Variants in BLM observed in about 807,000 individuals in gnomAD.
BLM encodes recQ-like DNA helicase BLM.
BLM carries 95 observed loss-of-function variants against 135.3 expected under a neutral mutation model. The ratio of observed to expected loss-of-function variants is 0.70; its 90% CI spans 0.59 to 0.83. The LOEUF (loss-of-function observed/expected upper bound fraction) is 0.83. BLM is among the 40% of genes least tolerant of loss of function. The probability of loss-of-function intolerance (pLI) is 0.00; values close to 1 mark genes in which losing one functional copy is unlikely to be tolerated. For synonymous variants in BLM, 520 were observed against 589.2 expected (o/e 0.88, Z 1.70); for missense variants, 1,518 against 1,663.9 (o/e 0.91, Z 1.53).
chr15:90,794,085 A>G lies in BLM; in HGVS notation c.3020-82A>G, dbSNP rs571002857. ...TTTCTTATTTAATATTTAAAGTTAT[A>G]TGAATCTATTCTAAATATTTCTATG... is the stretch of plus-strand genomic sequence containing the variant. On this transcript the variant is annotated intron_variant, in intron 15 of 21. Transcript: ENST00000355112. The G allele has an allele frequency of 4.1e-4, 408 of 1,004,058 alleles. 11 individuals are homozygous for G. The South Asian group carries it at 6.2e-3, about 15-fold the overall frequency. 62.2% of individuals were successfully genotyped at this position (1,004,058 alleles called of 1,614,324 possible).
chr15:90,745,666 C>A (rs905929333), intron 1 of BLM, among the ~76,000 whole-genome samples: 1 of 152,166 alleles, frequency 6.6e-6, no homozygotes, highest in South Asian at 2.1e-4. Flanking sequence ...TCACCTCAGC[C>A]TCCTAAAGTG....
At position 90,760,224 on chromosome 15, in the gene BLM, G is replaced by C. The variant is rs746170218; in HGVS notation, c.1165G>C (p.Asp389His). 2 of 1,613,966 alleles carry C rather than the reference G, an allele frequency of 1.2e-6. No homozygotes were observed. ...TAAATTAATTGATACTATTCCTGAT[G>C]ATAAACTGAAACTTTTGGATTGTGG... ...ICKLIDTIPD[D>H]KLKLLDCGNE... Residue 389 changes from aspartate (D) to histidine (H), a missense_variant, in exon 6 of 22, where the codon GAT becomes CAT. Asp to His is a moderately conservative substitution (Grantham distance 81). Coordinates refer to ENST00000355112, the MANE Select transcript of BLM (RefSeq NM_000057.4).
chr15:90,729,399 T>C (rs1187776387), intron 1 of BLM, among the ~76,000 whole-genome samples: 3 of 152,204 alleles, frequency 2.0e-5, no homozygotes, highest in African/African-American at 7.2e-5. Flanking sequence ...ATGGGTTTCA[T>C]TGGGCTAAAG....
intron 1 of BLM, among the ~76,000 whole-genome samples, chr15:90,729,825 T>C (rs1895017724): frequency 6.6e-6 from 1 of 152,122 alleles, no homozygotes; most frequent in African/African-American, 2.4e-5. Context: ...CCTCCTGCAT[T>C]CACTTAAGAT....
intron 2 of BLM, 70 bp from the exon 3 acceptor site, chr15:90,749,297 A>G: frequency 8.7e-7 from 1 of 1,150,488 alleles, no homozygotes; most frequent in Non-Finnish European, 1.3e-6. Context: ...AGTTTAAAAA[A>G]TTAGTTTTGT....
intron 12 of BLM, among the ~76,000 whole-genome samples, chr15:90,771,177 A>T (rs1189291114): frequency 6.6e-6 from 1 of 152,182 alleles, no homozygotes; most frequent in East Asian, 1.9e-4. Flanking sequence ...GATATGCATT[A>T]TAATGCTATA....
chr15:90,780,676 T>A (rs1896595850), intron 12 of BLM, among the ~76,000 whole-genome samples: 1 of 152,214 alleles, frequency 6.6e-6, no homozygotes, highest in Admixed American at 6.5e-5. Context: ...AAAGCAAGAT[T>A]TGAATTTGCT....
Position 90,760,250 on chromosome 15 carries a change from G to C in BLM, c.1191G>C (p.Gly397=), listed in dbSNP as rs780393464. ...PDDKLKLLDC[G]NELLQQRNIR... The stretch of plus-strand genomic sequence containing the variant: ...ATAAACTGAAACTTTTGGATTGTGG[G>C]AACGAACTGCTTCAGCAGCGGAACA... The change falls in exon 6 of 22, where the codon GGG becomes GGC. Residue 397 remains glycine, a synonymous_variant. Transcript: ENST00000355112. The C allele has an allele frequency of 3.1e-6, 5 of 1,613,946 alleles. No individual in the cohort carries two copies. In the East Asian group the frequency reaches 1.1e-4, roughly 36 times the overall value.
intron 14 of BLM, among the ~76,000 whole-genome samples, chr15:90,787,342 C>T (rs1258700064): frequency 3.9e-5 from 6 of 151,922 alleles, no homozygotes; most frequent in African/African-American, 1.5e-4. Flanking sequence ...CGTGAGCCAC[C>T]GCACCCAGCC....
At chr15:90,757,933 G>A (rs1448480168) in intron 5 of BLM, among the ~76,000 whole-genome samples, 1 of 148,984 alleles carries the variant, frequency 6.7e-6, no homozygotes, top group Non-Finnish European at 1.5e-5. Context: ...CCAGGCTAAA[G>A]TGCACTGGCG....
intron 5 of BLM, among the ~76,000 whole-genome samples, chr15:90,757,946 A>G (rs1895863469): frequency 1.3e-5 from 2 of 150,160 alleles, no homozygotes; most frequent in Admixed American, 1.3e-4. Context: ...CACTGGCGCA[A>G]TCTCTGCTCA....
At chr15:90,775,952 T>C (rs1896466455) in intron 12 of BLM, among the ~76,000 whole-genome samples, 1 of 152,200 alleles carries the variant, frequency 6.6e-6, no homozygotes, top group Non-Finnish European at 1.5e-5. Flanking sequence ...CTTAATCTTC[T>C]AAATAGTGTG....
intron 1 of BLM, among the ~76,000 whole-genome samples, chr15:90,744,258 A>G (rs183865080): frequency 3.3e-4 from 51 of 152,346 alleles, no homozygotes; most frequent in Non-Finnish European, 5.9e-4. Context: ...TTAGAGGGCA[A>G]TAGTCTGACT....
At chr15:90,747,637 G>A in intron 2 of BLM, 147 bp downstream of exon 2, 1 of 663,236 alleles carries the variant, frequency 1.5e-6, no homozygotes, top group South Asian at 1.7e-5. Context: ...CCAATTAATG[G>A]TAGAGTATGT....
chr15:90,814,993 A>G (rs1024110012), intron 21 of BLM, 109 bp from the exon 22 acceptor site: 28 of 1,125,618 alleles, frequency 2.5e-5, no homozygotes, highest in Non-Finnish European at 2.9e-5. Flanking sequence ...ATGCACAAGG[A>G]CACATTAGGC....
At chr15:90,770,488 T>C (rs1896284313) in intron 12 of BLM, among the ~76,000 whole-genome samples, 1 of 152,210 alleles carries the variant, frequency 6.6e-6, no homozygotes, top group Non-Finnish European at 1.5e-5. Flanking sequence ...TCCCCACATA[T>C]TTATCTAGGC....
chr15:90,790,770 G>A lies in BLM; in HGVS notation c.2945G>A (p.Arg982Lys), dbSNP rs1281589498. The A allele has an allele frequency of 6.2e-7, 1 of 1,614,170 alleles. No homozygotes were observed. Among genetic ancestry groups the A allele is most frequent in the Admixed American group, 1.7e-5 (1 of 60,012 alleles). Residue 982 changes from arginine to lysine, a missense_variant, in exon 15 of 22, where the codon AGA (arginine) becomes AAA (lysine). By Grantham distance (26) the Arg-to-Lys change is conservative. This residue lies in a region of BLM where 626 missense variants were observed against 681.1 expected (regional missense o/e 0.92). Transcript: ENST00000355112. The stretch of plus-strand genomic sequence containing the variant: ...TACCAAGAATCTGGCAGAGCTGGAA[G>A]AGATGGGGAAATATCTCACTGCCTG... ...GYYQESGRAGRDGEISHCLLF... is the reference protein window; with the variant it reads ...GYYQESGRAGKDGEISHCLLF...
At position 90,815,325 on chromosome 15, in the gene BLM, A is replaced by G; in HGVS notation, c.*46A>G. ...TAGACCCTCTTTCTTGTTTGTCAGC[A>G]TCTGACCATCTGTGACTATAAAGCT... On this transcript the variant is annotated 3_prime_UTR_variant, in exon 22 of 22. Coordinates refer to ENST00000355112, the MANE Select transcript of BLM (RefSeq NM_000057.4). This position sits in a 1 kb window ranked among gnomAD's most constrained non-coding sequence, Gnocchi z 4.6. 6.3e-7 allele frequency: 1 copy of G among 1,581,678 alleles called. No individual in the cohort carries two copies. The highest frequency in any genetic ancestry group is 8.7e-7 in the Non-Finnish European group (1 of 1,150,852).
intron 15 of BLM, among the ~76,000 whole-genome samples, chr15:90,791,577 A>G (rs766648798): frequency 2.0e-5 from 3 of 152,116 alleles, no homozygotes; most frequent in Admixed American, 6.6e-5. Context: ...TGTTATCAAC[A>G]ATGCAGTATT....
Sources: gnomAD v4.1 joint callset for allele counts (sites outside exome capture counted in the v4.1 genomes callset) on GRCh38, gnomAD v4.1.1 for gene constraint, gnomAD v4.1.1 regional missense constraint, Gnocchi (gnomAD v3.1) non-coding constraint, MANE v1.5 for transcripts, NCBI Gene and HGNC (gene_info 2026-07-23, HGNC 2026-07-21) for gene names.